PRKN: variants seen among roughly 807,000 people sequenced by gnomAD.
PRKN encodes the protein parkin RBR E3 ubiquitin protein ligase.
A neutral mutation model predicts 59.5 loss-of-function variants in PRKN; 56 were observed. That is an observed-to-expected ratio of 0.94 (90% CI 0.76 to 1.18). The LOEUF (loss-of-function observed/expected upper bound fraction) is 1.18, where lower values mean the gene tolerates loss of function less well. Ranked by LOEUF, PRKN falls within the 50% of genes most tolerant of loss-of-function variation. The pLI is 0.00. For missense variants in PRKN, 657 were observed against 596.4 expected (o/e 1.10, Z -1.06); for synonymous variants, 250 against 222.1 (o/e 1.13, Z -1.12).
chr6:162,004,833 G>A (rs757143601), intron 5 of PRKN, among the ~76,000 whole-genome samples: 10 of 152,186 alleles, frequency 6.6e-5, no homozygotes, highest in Non-Finnish European at 1.0e-4. Flanking sequence ...ATATGATTAC[G>A]AATGGAAAGA....
chr6:162,040,820 G>C (rs1784041964), intron 5 of PRKN, among the ~76,000 whole-genome samples: 1 of 152,004 alleles, frequency 6.6e-6, no homozygotes, highest in Non-Finnish European at 1.5e-5. Context: ...CAAGTTAGTG[G>C]GGAGCTGCCC....
intron 1 of PRKN, among the ~76,000 whole-genome samples, chr6:162,709,641 G>A (rs898650269): frequency 1.3e-5 from 2 of 152,228 alleles, no homozygotes; most frequent in African/African-American, 4.8e-5. Context: ...GTAATAAAAC[G>A]TTTTCTTTCT....
chr6:161,463,154 T>C lies in PRKN; in HGVS notation c.1084-76277A>G, dbSNP rs148775288. Among the ~76,000 whole-genome samples the C allele has an allele frequency of 0.018, 2,780 of 152,284 alleles. 61 individuals are homozygous for C. The highest frequency in any genetic ancestry group is 0.044 in the Middle Eastern group (13 of 294). ...GCTGGAGTGGTCAGTGATATATTAT[T>C]GAAGAAGGTGGCATGGGGCACCAGT... On this transcript the variant is annotated intron_variant, in intron 9 of 11. Transcript: ENST00000366898. This position sits in a 1 kb window ranked among gnomAD's most constrained non-coding sequence, Gnocchi z 4.8.
At chr6:162,173,527 G>A (rs1783388101) in intron 4 of PRKN, among the ~76,000 whole-genome samples, 1 of 105,418 alleles carries the variant, frequency 9.5e-6, no homozygotes, top group Non-Finnish European at 1.9e-5. Flanking sequence ...TATCTATTTT[G>A]ATGCAGCTTT....
chr6:162,684,590 C>T (rs1779896161), intron 1 of PRKN, among the ~76,000 whole-genome samples: 1 of 152,082 alleles, frequency 6.6e-6, no homozygotes, highest in Admixed American at 6.6e-5. Context: ...GGCTGATTGT[C>T]AATGTTGCTG....
At chr6:162,260,985 T>C (rs1296517911) in intron 3 of PRKN, among the ~76,000 whole-genome samples, 2 of 152,126 alleles carry the variant, frequency 1.3e-5, no homozygotes, top group South Asian at 2.1e-4. Flanking sequence ...GTATTGCCTG[T>C]TGATGGGGAG....
intron 6 of PRKN, among the ~76,000 whole-genome samples, chr6:161,945,281 A>T (rs1772396240): frequency 6.6e-6 from 1 of 152,208 alleles, no homozygotes; most frequent in African/African-American, 2.4e-5. Context: ...TTGGGTTACC[A>T]TCAAAGCCAG....
intron 3 of PRKN, among the ~76,000 whole-genome samples, chr6:162,237,407 G>C (rs1778783961): frequency 6.6e-6 from 1 of 152,070 alleles, no homozygotes; most frequent in Admixed American, 6.6e-5. Flanking sequence ...ATGATTTCTT[G>C]CTTTTCTTCT....
rs144796790 is a variant in PRKN at position 161,906,659 on chromosome 6, C to CATATATATATAT, written c.734+66631_734+66642dup. Among the ~76,000 whole-genome samples the CATATATATATAT allele has an allele frequency of 3.7e-3, 430 of 116,566 alleles. 16 individuals carry two copies. The highest frequency in any genetic ancestry group is 0.028 in the East Asian group (133 of 4,784). The allele number at this position is 116,566 out of a possible 152,430, so 76.5% of individuals were successfully genotyped here. On this transcript the variant is annotated intron_variant, in intron 6 of 11. Coordinates refer to ENST00000366898, the MANE Select transcript of PRKN (RefSeq NM_004562.3). ...AGAGGGACAAATCTAATAGAACATA[C>CATATATATATAT]ATATATATATATATATGTATATATG...
In PRKN at chr6:161,486,409, T is replaced by G. The variant is rs545934066; in HGVS notation, c.1083+62445A>C. On this transcript the variant is annotated intron_variant, in intron 9 of 11. Coordinates refer to ENST00000366898, the MANE Select transcript of PRKN (RefSeq NM_004562.3). ...CTATGATATATTTAAAAATGAAATT[T>G]GAAGTCAGATTTCATGCATAGAACC... 1.5e-3 allele frequency among the ~76,000 whole-genome samples: 228 copies of G among 152,340 alleles called. 1 individual carries two copies. Among genetic ancestry groups the G allele is most frequent in the Non-Finnish European group, 2.8e-3 (190 of 68,030 alleles).
intron 1 of PRKN, among the ~76,000 whole-genome samples, chr6:162,589,733 T>C (rs1237296338): frequency 6.6e-6 from 1 of 152,230 alleles, no homozygotes; most frequent in Admixed American, 6.5e-5. Flanking sequence ...TTTGCATTTG[T>C]ATTCTCAATA....
chr6:161,930,962 A>G lies in PRKN; in HGVS notation c.734+42340T>C, dbSNP rs1002360298. 1.8e-4 allele frequency among the ~76,000 whole-genome samples: 27 copies of G among 152,222 alleles called. 1 individual carries two copies. The highest frequency in any genetic ancestry group is 1.8e-3 in the Admixed American group (27 of 15,280). On this transcript the variant is annotated intron_variant, in intron 6 of 11. Transcript: ENST00000366898. ...CTCTCCCTGAGAGCTTCCAGAAGGAACGTAACTCTGCCAACACCTTGATTT... is the reference window on the plus strand; with the variant it reads ...CTCTCCCTGAGAGCTTCCAGAAGGAGCGTAACTCTGCCAACACCTTGATTT...
At chr6:162,496,106 G>A (rs541064753) in intron 1 of PRKN, among the ~76,000 whole-genome samples, 2 of 152,042 alleles carry the variant, frequency 1.3e-5, no homozygotes, top group South Asian at 2.1e-4. Flanking sequence ...GCATGGTGGC[G>A]AGCACCTGTA....
chr6:161,622,069 G>A (rs532718535), intron 7 of PRKN, among the ~76,000 whole-genome samples: 4 of 152,106 alleles, frequency 2.6e-5, no homozygotes, highest in South Asian at 2.1e-4. Context: ...TAGGCCCCCC[G>A]TCTCCAACTC....
At chr6:162,013,119 CCTT>C (rs1233922476) in intron 5 of PRKN, among the ~76,000 whole-genome samples, 1 of 152,078 alleles carries the variant, frequency 6.6e-6, no homozygotes, top group African/African-American at 2.4e-5. Flanking sequence ...ATGAATCAAT[CCTT>C]CTACATGTGG....
chr6:162,281,999 T>C (rs1780931328), intron 2 of PRKN, among the ~76,000 whole-genome samples: 1 of 152,118 alleles, frequency 6.6e-6, no homozygotes, highest in African/African-American at 2.4e-5. Flanking sequence ...ACAATAGGGT[T>C]TGCACTCCTA....
intron 1 of PRKN, among the ~76,000 whole-genome samples, chr6:162,555,224 GTAATA>G (rs1261365656): frequency 6.6e-6 from 1 of 152,086 alleles, no homozygotes. Context: ...CATGTCTAGA[GTAATA>G]TAATAGATGT....
intron 9 of PRKN, among the ~76,000 whole-genome samples, chr6:161,491,314 C>T (rs569570614): frequency 4.6e-5 from 7 of 152,264 alleles, no homozygotes; most frequent in Non-Finnish European, 8.8e-5. Context: ...AAGGCTTTCT[C>T]GATTGCTCTG....
chr6:161,374,761 T>TTATATATGTGTGGTATGTATGTGTG (rs1345093058), intron 10 of PRKN, among the ~76,000 whole-genome samples: 1 of 151,160 alleles, frequency 6.6e-6, no homozygotes, highest in African/African-American at 2.4e-5. Context: ...GTGTGGTGTG[T>TTATATATGTGTGGTATGTATGTGTG]AGCTGTGACA....
Sources: gnomAD v4.1 joint callset for allele counts (sites outside exome capture counted in the v4.1 genomes callset) on GRCh38, gnomAD v4.1.1 for gene constraint, Gnocchi (gnomAD v3.1) non-coding constraint, MANE v1.5 for transcripts, NCBI Gene and HGNC (gene_info 2026-07-23, HGNC 2026-07-21) for gene names.